The following SLC4A10 variants were observed in gnomAD, a reference collection of about 807,000 sequenced individuals.
SLC4A10 encodes sodium-driven chloride bicarbonate exchanger.
In SLC4A10, 42 loss-of-function variants were observed where a neutral mutation model predicts 137.7. The ratio of observed to expected loss-of-function variants is 0.30; its 90% CI spans 0.24 to 0.39. The LOEUF (loss-of-function observed/expected upper bound fraction) is 0.39, where lower values mean the gene tolerates loss of function less well. SLC4A10 is among the 10% of genes least tolerant of loss of function. SLC4A10 has a pLI of 1.00. For synonymous variants in SLC4A10, 474 were observed against 464.1 expected (o/e 1.02, Z -0.27); for missense variants, 925 against 1,355.0 (o/e 0.68, Z 4.98).
At chr2:161,817,595 A>G (rs2057213700) in intron 3 of SLC4A10, among the ~76,000 whole-genome samples, 1 of 152,150 alleles carries the variant, frequency 6.6e-6, no homozygotes, top group Non-Finnish European at 1.5e-5. Flanking sequence ...GTTTTCTTCT[A>G]GGGTTTTTAT....
intron 16 of SLC4A10, among the ~76,000 whole-genome samples, chr2:161,946,258 T>C (rs775132999): frequency 6.6e-6 from 1 of 152,044 alleles, no homozygotes; most frequent in Non-Finnish European, 1.5e-5. Context: ...ACAGATTCTT[T>C]AAGACAATAA....
intron 1 of SLC4A10, among the ~76,000 whole-genome samples, chr2:161,675,701 T>A (rs1427464803): frequency 6.6e-6 from 1 of 152,146 alleles, no homozygotes; most frequent in Non-Finnish European, 1.5e-5. Flanking sequence ...TGGACCTTTT[T>A]TTCTAATATT....
At chr2:161,851,149 T>A (rs1465154176) in intron 4 of SLC4A10, among the ~76,000 whole-genome samples, 1 of 152,244 alleles carries the variant, frequency 6.6e-6, no homozygotes, top group Non-Finnish European at 1.5e-5. Context: ...AATTTTAGAA[T>A]ATGTGCCATC....
At chr2:161,710,497 A>G (rs1469282342) in intron 1 of SLC4A10, 1 of 228,890 alleles carries the variant, frequency 4.4e-6, no homozygotes, top group Non-Finnish European at 9.1e-6. Context: ...TAGAATTGTC[A>G]TTTCTGTCAC....
At chr2:161,669,822 A>C (rs1228374386) in intron 1 of SLC4A10, among the ~76,000 whole-genome samples, 1 of 152,052 alleles carries the variant, frequency 6.6e-6, no homozygotes, top group East Asian at 1.9e-4. Flanking sequence ...CCAGGCCTCC[A>C]ATTGGGTGAC....
chr2:161,902,233 C>T, intron 12 of SLC4A10: 1 of 320,384 alleles, frequency 3.1e-6, no homozygotes, highest in South Asian at 2.6e-5. Flanking sequence ...AGTACTATAA[C>T]AACTATTCAG....
chr2:161,663,724 A>G (rs1419319644), intron 1 of SLC4A10, among the ~76,000 whole-genome samples: 2 of 152,090 alleles, frequency 1.3e-5, no homozygotes, highest in Non-Finnish European at 2.9e-5. Context: ...GCAGGGTATT[A>G]CAAACTTGGA....
In SLC4A10 at chr2:161,964,349, T is replaced by C. The variant is rs2105911227; in HGVS notation, c.3036+41T>C. The C allele has an allele frequency of 3.1e-6, 5 of 1,593,688 alleles. No homozygotes were observed. In the African/African-American group the frequency reaches 5.4e-5, roughly 17 times the overall value. ...CAACTATTTTTCTCTTTCTCTGATT[T>C]GCTGGTCTCTTTGGAAACATAAACA... is the stretch of plus-strand genomic sequence containing the variant. On this transcript the variant is annotated intron_variant, in intron 22 of 26. Transcript: ENST00000446997.
chr2:161,846,157 C>A (rs1472848434), intron 4 of SLC4A10, among the ~76,000 whole-genome samples: 3 of 151,880 alleles, frequency 2.0e-5, no homozygotes, highest in Non-Finnish European at 4.4e-5. Flanking sequence ...GAAAAGTGGG[C>A]AAAAGGCACA....
At chr2:161,629,313 T>C (rs1204912764) in intron 1 of SLC4A10, among the ~76,000 whole-genome samples, 3 of 151,752 alleles carry the variant, frequency 2.0e-5, no homozygotes, top group Non-Finnish European at 4.4e-5. Flanking sequence ...AGATACTCTT[T>C]GGGGTGTACT....
chr2:161,889,767 G>C (rs1156893659), intron 10 of SLC4A10, among the ~76,000 whole-genome samples: 1 of 151,400 alleles, frequency 6.6e-6, no homozygotes, highest in Non-Finnish European at 1.5e-5. Context: ...AAGGGTTTTT[G>C]TGTGTGTGTC....
At chr2:161,771,258 C>G (rs2051563378) in intron 2 of SLC4A10, among the ~76,000 whole-genome samples, 1 of 151,828 alleles carries the variant, frequency 6.6e-6, no homozygotes, top group African/African-American at 2.4e-5. Context: ...ATCAGTTCAT[C>G]CAACAGACAT....
intron 2 of SLC4A10, among the ~76,000 whole-genome samples, chr2:161,798,347 A>G (rs1021531993): frequency 6.6e-6 from 1 of 151,962 alleles, no homozygotes; most frequent in African/African-American, 2.4e-5. Flanking sequence ...AAAACAAAAG[A>G]CATAGAGTTC....
chr2:161,682,491 T>C (rs745652642), intron 1 of SLC4A10, among the ~76,000 whole-genome samples: 1 of 152,186 alleles, frequency 6.6e-6, no homozygotes, highest in Non-Finnish European at 1.5e-5. Context: ...AAAATTGTGA[T>C]GGTGACATAT....
intron 15 of SLC4A10, among the ~76,000 whole-genome samples, chr2:161,911,399 T>C (rs758851916): frequency 2.6e-5 from 4 of 151,136 alleles, no homozygotes; most frequent in Non-Finnish European, 4.4e-5. Flanking sequence ...GAAACTGGAG[T>C]GCAATTTATA....
chr2:161,699,841 A>G (rs1288274860), intron 1 of SLC4A10, among the ~76,000 whole-genome samples: 1 of 152,196 alleles, frequency 6.6e-6, no homozygotes, highest in Non-Finnish European at 1.5e-5. Flanking sequence ...CAAGAAGAAC[A>G]TTTATTAAGT....
chr2:161,962,862 A>G (rs979488708), intron 21 of SLC4A10, among the ~76,000 whole-genome samples: 5 of 152,142 alleles, frequency 3.3e-5, no homozygotes, highest in African/African-American at 9.7e-5. Context: ...TAACATTTTG[A>G]CTCAATGGAC....
intron 1 of SLC4A10, among the ~76,000 whole-genome samples, chr2:161,711,616 A>G (rs1024325681): frequency 1.3e-5 from 2 of 151,782 alleles, no homozygotes; most frequent in Non-Finnish European, 2.9e-5. Context: ...CCAGAATCCC[A>G]AACTGGAACA....
At chr2:161,938,544 C>G (rs1033331620) in intron 15 of SLC4A10, among the ~76,000 whole-genome samples, 60 of 150,570 alleles carry the variant, frequency 4.0e-4, no homozygotes, top group African/African-American at 1.5e-3. Flanking sequence ...AATCTATTAT[C>G]GATAATAATA....
Sources: gnomAD v4.1 joint callset for allele counts (sites outside exome capture counted in the v4.1 genomes callset) on GRCh38, gnomAD v4.1.1 for gene constraint, MANE v1.5 for transcripts, NCBI Gene and HGNC (gene_info 2026-07-23, HGNC 2026-07-21) for gene names.